Variants in CASZ1 observed in about 807,000 individuals in gnomAD.
CASZ1 encodes castor zinc finger 1, also known as zinc finger protein castor homolog 1.
Under a neutral mutation model 135.2 loss-of-function variants are expected in CASZ1, and 28 were observed. The observed-to-expected ratio is 0.21, with a 90% CI of 0.15 to 0.28. The LOEUF is 0.28. Ranked by LOEUF, CASZ1 falls within the 10% of genes least tolerant of loss-of-function variation. The probability of loss-of-function intolerance (pLI) is 1.00; values close to 1 mark genes in which losing one functional copy is unlikely to be tolerated. For missense variants in CASZ1, 2,161 were observed against 2,453.3 expected (o/e 0.88, Z 2.52); for synonymous variants, 1,068 against 1,073.4 (o/e 0.99, Z 0.10).
rs1640272320 is a variant in CASZ1, at chr1:10,757,021, GAAAGGATAGTGTGTGTCCTGGCCTGCTCC to G, written c.-77+3651_-77+3679del. Among the ~76,000 whole-genome samples the G allele has an allele frequency of 1.3e-5, 2 of 152,192 alleles. No individual in the cohort carries two copies. Among genetic ancestry groups the G allele is most frequent in the Non-Finnish European group, 2.9e-5 (2 of 68,036 alleles). ...CTGGCTTCAGTGCAGAGCCAGGGCT[GAAAGGATAGTGTGTGTCCTGGCCTGCTCC>G]CAGGCTCACTCCTGAAAACGGTGTC... On this transcript the variant is annotated intron_variant, in intron 2 of 20. Coordinates refer to ENST00000377022, the MANE Select transcript of CASZ1 (RefSeq NM_001079843.3). The surrounding 1 kb of genome is among the most constrained non-coding windows in gnomAD (Gnocchi z 4.6).
intron 4 of CASZ1, among the ~76,000 whole-genome samples, chr1:10,670,667 C>T (rs1643370530): frequency 6.6e-6 from 1 of 152,216 alleles, no homozygotes; most frequent in Admixed American, 6.5e-5. Flanking sequence ...ACTTCAAAGC[C>T]AGTACAAGAG....
At position 10,768,970 on chromosome 1, in the gene CASZ1, G is replaced by A. The variant is rs140803739; in HGVS notation, c.-233-8113C>T. 5.6e-3 allele frequency among the ~76,000 whole-genome samples: 846 copies of A among 152,198 alleles called. 9 individuals carry two copies. The highest frequency in any genetic ancestry group is 0.02 in the African/African-American group (818 of 41,520). The stretch of plus-strand genomic sequence containing the variant: ...AGCCTGTCCAACATGGTGAAACCCC[G>A]TCTCTACTAAAAATACAAAAATTAG... On this transcript the variant is annotated intron_variant, in intron 1 of 20. Transcript: ENST00000377022.
chr1:10,729,047 C>A (rs1184518887), intron 2 of CASZ1, among the ~76,000 whole-genome samples: 1 of 150,984 alleles, frequency 6.6e-6, no homozygotes, highest in Non-Finnish European at 1.5e-5. Flanking sequence ...CTGTCTTGGA[C>A]AGGCTGCCAT....
rs1466854680 is a variant in CASZ1, at chr1:10,694,582, GCCCCGCCGCCGCCGCCGCCGCCGCCGC to G, written c.-23-697_-23-671del. ...CCGGCAGGTGAAAGAGCAGAGCGCG[GCCCCGCCGCCGCCGCCGCCGCCGCCGC>G]CGCCGCCGCCGCCCGGTGCGCCCGC... is the stretch of plus-strand genomic sequence containing the variant. On this transcript the variant is annotated intron_variant, in intron 3 of 20. Coordinates refer to ENST00000377022, the MANE Select transcript of CASZ1 (RefSeq NM_001079843.3). The surrounding 1 kb of genome is among the most constrained non-coding windows in gnomAD (Gnocchi z 6.6). The G allele has an allele frequency of 8.8e-6, 1 of 113,172 alleles. No homozygotes were observed. The highest frequency in any genetic ancestry group is 1.8e-5 in the Non-Finnish European group (1 of 56,976). The allele number at this position is 113,172 out of a possible 1,614,324, so 7.0% of individuals were successfully genotyped here.
At chr1:10,792,359 A>C (rs1459166825) in intron 1 of CASZ1, among the ~76,000 whole-genome samples, 16 of 111,730 alleles carry the variant, frequency 1.4e-4, no homozygotes, top group Admixed American at 3.7e-4. Flanking sequence ...ACACAAAGTA[A>C]ATGGAAATGT....
At chr1:10,643,557 C>T (rs996871010) in intron 18 of CASZ1, among the ~76,000 whole-genome samples, 3 of 152,240 alleles carry the variant, frequency 2.0e-5, no homozygotes, top group African/African-American at 4.8e-5. Context: ...GCTGGGCAGG[C>T]CCCCATCCCC....
intron 2 of CASZ1, among the ~76,000 whole-genome samples, chr1:10,751,286 G>T (rs1171944693): frequency 1.3e-5 from 2 of 152,202 alleles, no homozygotes; most frequent in South Asian, 4.2e-4. Flanking sequence ...CAGGTTTTGT[G>T]AGCTCAAGTG....
intron 4 of CASZ1, among the ~76,000 whole-genome samples, chr1:10,671,870 T>C (rs899269290): frequency 1.3e-5 from 2 of 152,240 alleles, no homozygotes; most frequent in Non-Finnish European, 2.9e-5. Context: ...GCTAGGATGA[T>C]GGCAGAAACA....
chr1:10,705,250 A>C (rs974443037), intron 3 of CASZ1, among the ~76,000 whole-genome samples: 6 of 152,208 alleles, frequency 3.9e-5, no homozygotes, highest in Non-Finnish European at 5.9e-5. Flanking sequence ...AAAGTCTGCA[A>C]TCCATATGTC....
chr1:10,650,791 G>T, intron 12 of CASZ1, 36 bp from the exon 13 acceptor site: 1 of 1,594,702 alleles, frequency 6.3e-7, no homozygotes, highest in South Asian at 1.1e-5. Context: ...GAGCTCAGAC[G>T]GCCGGGGCCT....
At chr1:10,672,797 G>A (rs1046799937) in intron 4 of CASZ1, among the ~76,000 whole-genome samples, 1 of 152,328 alleles carries the variant, frequency 6.6e-6, no homozygotes, top group Middle Eastern at 3.4e-3. Context: ...AGGATGTGTG[G>A]GTGACATTCC....
Position 10,659,850 on chromosome 1 carries a change from C to G in CASZ1, c.1192G>C (p.Ala398Pro), listed in dbSNP as rs750944983. ...GCACTGGGCACGCTGGCGAGGGGTG[C>G]GGGAGCCAGGCTGGGGGTGGGCGGA... ...KVPPTPSLAP[A>P]PLASVPSAPS... Residue 398 changes from alanine to proline, a missense_variant, in exon 6 of 21, where the codon GCA becomes CCA. Physicochemically the swap from Ala to Pro is conservative, Grantham distance 27 (BLOSUM62 -1). Around this residue, in one of 7 missense-constraint regions of CASZ1, gnomAD observed 590 missense variants for 609.8 expected, o/e 0.97. Coordinates refer to ENST00000377022, the MANE Select transcript of CASZ1 (RefSeq NM_001079843.3). The G allele has an allele frequency of 6.2e-7, 1 of 1,610,974 alleles. No homozygotes were observed. The highest frequency in any genetic ancestry group is 2.2e-5 in the East Asian group (1 of 44,802).
In CASZ1 at chr1:10,762,617, C is replaced by A. The variant is rs1640398938; in HGVS notation, c.-233-1760G>T. 6.6e-6 allele frequency among the ~76,000 whole-genome samples: 1 copy of A among 152,142 alleles called. No individual in the cohort carries two copies. The highest frequency in any genetic ancestry group is 1.5e-5 in the Non-Finnish European group (1 of 68,034). On this transcript the variant is annotated intron_variant, in intron 1 of 20. Transcript: ENST00000377022. The surrounding 1 kb of genome is among the most constrained non-coding windows in gnomAD (Gnocchi z 4.1). ...ACCTACACTCCTACTCCAAGAATCT[C>A]CATCTGCTGGGGGTCTCCACTCCAA...
At chr1:10,784,247 G>GC (rs1359686997) in intron 1 of CASZ1, among the ~76,000 whole-genome samples, 1 of 152,090 alleles carries the variant, frequency 6.6e-6, no homozygotes, top group Non-Finnish European at 1.5e-5. Flanking sequence ...ATCTGGGTGT[G>GC]CCCCCGCCCT....
At chr1:10,729,144 G>A (rs952373154) in intron 2 of CASZ1, among the ~76,000 whole-genome samples, 2 of 152,256 alleles carry the variant, frequency 1.3e-5, no homozygotes, top group East Asian at 3.9e-4. Context: ...GCCGGCCTGC[G>A]GCTCCTGCCC....
chr1:10,651,015 A>G lies in CASZ1; in HGVS notation c.2742T>C (p.Gly914=), dbSNP rs1642559637. 6 of 1,565,782 alleles carry G rather than the reference A, an allele frequency of 3.8e-6. No homozygotes were observed. The highest frequency in any genetic ancestry group is 4.3e-6 in the Non-Finnish European group (5 of 1,165,684). Residue 914 remains glycine (G), a synonymous_variant, in exon 12 of 21, where the codon GGT becomes GGC. Coordinates refer to ENST00000377022, the MANE Select transcript of CASZ1 (RefSeq NM_001079843.3). ...GGGGGCCTGGGGCGCCGGTGCTCTC[A>G]CCGGGTTCCGGCTTCACTTGGGCCG... ...FPPAQVKPEP[G]ESTGAPGPHE...
intron 2 of CASZ1, among the ~76,000 whole-genome samples, chr1:10,745,314 C>A (rs1332013619): frequency 6.6e-6 from 1 of 152,180 alleles, no homozygotes; most frequent in Non-Finnish European, 1.5e-5. Context: ...GCCTATAAGA[C>A]AGAGGTCAGA....
At position 10,727,456 on chromosome 1, in the gene CASZ1, C is replaced by T. The variant is rs961253564; in HGVS notation, c.-76-21912G>A. On this transcript the variant is annotated intron_variant, in intron 2 of 20. Transcript: ENST00000377022. The surrounding 1 kb of genome is among the most constrained non-coding windows in gnomAD (Gnocchi z 5.3). ...CAAACACCCCAGCTCCTTGAACCCC[C>T]GGGCCCAGGGGATTCAGCACAGCCC... Among the ~76,000 whole-genome samples, 2 of 152,002 alleles carry T rather than the reference C, an allele frequency of 1.3e-5. No individual in the cohort carries two copies. Among genetic ancestry groups the T allele is most frequent in the Non-Finnish European group, 2.9e-5 (2 of 67,976 alleles).
chr1:10,794,542 G>T lies in CASZ1; in HGVS notation c.-234+2022C>A, dbSNP rs547683447. The stretch of plus-strand genomic sequence containing the variant: ...TTCCGGTGGGCACGCACCCGCACCC[G>T]CACCGTAGCCAGCGTGGCTGGAAGG... On this transcript the variant is annotated intron_variant, in intron 1 of 20. Transcript: ENST00000377022. This position sits in a 1 kb window ranked among gnomAD's most constrained non-coding sequence, Gnocchi z 5.6. Among the ~76,000 whole-genome samples, 3 of 152,146 alleles carry T rather than the reference G, an allele frequency of 2.0e-5. No homozygotes were observed. The highest frequency in any genetic ancestry group is 4.2e-4 in the South Asian group (2 of 4,812).
Sources: allele counts gnomAD v4.1 joint callset (sites outside exome capture counted in the v4.1 genomes callset), GRCh38; gene constraint gnomAD v4.1.1; regional missense constraint gnomAD v4.1.1; non-coding constraint Gnocchi (gnomAD v3.1); transcripts MANE v1.5; gene names NCBI Gene and HGNC (gene_info 2026-07-23, HGNC 2026-07-21).